RPGRIP1L: variants seen among roughly 807,000 people sequenced by gnomAD.
The protein encoded by RPGRIP1L is protein fantom.
A neutral mutation model predicts 160.4 loss-of-function variants in RPGRIP1L; 131 were observed. The observed-to-expected ratio is 0.82, with a 90% confidence interval of 0.71 to 0.94. RPGRIP1L has a LOEUF of 0.94. Ranked by LOEUF, RPGRIP1L falls within the 40% of genes least tolerant of loss-of-function variation. The pLI, the probability that RPGRIP1L is intolerant of heterozygous loss-of-function variation, is 0.00. For missense variants in RPGRIP1L, 1,522 were observed against 1,535.8 expected (o/e 0.99, Z 0.15); for synonymous variants, 510 against 515.8 (o/e 0.99, Z 0.15).
chr16:53,601,847 T>G lies in RPGRIP1L; in HGVS notation c.*229A>C. On this transcript the variant is annotated 3_prime_UTR_variant, in exon 27 of 27. Coordinates refer to ENST00000647211, the MANE Select transcript of RPGRIP1L (RefSeq NM_015272.5). The stretch of plus-strand genomic sequence containing the variant: ...TAAATTATTGAGAAGGTACTGCCCA[T>G]TATGGAGAACTTAAGTCCTGAGGGG... 1 of 509,932 alleles carries G rather than the reference T, an allele frequency of 2.0e-6. No homozygotes were observed. 31.6% of individuals were successfully genotyped at this position (509,932 alleles called of 1,614,324 possible). A position where few individuals can be genotyped will look rare whatever the true frequency, so the allele number is the denominator to read the frequency against.
At chr16:53,614,937 A>G (rs1167883604) in intron 24 of RPGRIP1L, among the ~76,000 whole-genome samples, 1 of 152,234 alleles carries the variant, frequency 6.6e-6, no homozygotes, top group African/African-American at 2.4e-5. Context: ...CAAGCTGGAT[A>G]AATCCTTATA....
chr16:53,691,942 ATTATT>A, intron 4 of RPGRIP1L, 119 bp downstream of exon 4: 1 of 890,846 alleles, frequency 1.1e-6, no homozygotes, highest in Non-Finnish European at 1.8e-6. Flanking sequence ...AAAGTAAAAA[ATTATT>A]TTTCTCTTCC....
At chr16:53,604,348 G>T (rs1963546088) in intron 26 of RPGRIP1L, among the ~76,000 whole-genome samples, 1 of 152,214 alleles carries the variant, frequency 6.6e-6, no homozygotes, top group South Asian at 2.1e-4. Context: ...CATAAGAGGT[G>T]CTCCCTTCAG....
chr16:53,652,555 A>G lies in RPGRIP1L; in HGVS notation c.2132T>C (p.Phe711Ser). The G allele has an allele frequency of 6.2e-7, 1 of 1,613,978 alleles. No individual in the cohort carries two copies. The highest frequency in any genetic ancestry group is 8.5e-7 in the Non-Finnish European group (1 of 1,179,888). ...HEILEKSGRI[F>S]CTASLIGTKG... ...CTTACCAATCAAACTTGCTGTACAA[A>G]ATATTCGGCCGCTTTTTTCAAGAAT... Residue 711 changes from phenylalanine (F) to serine (S), a missense_variant, in exon 15 of 27, where the codon TTT becomes TCT. Physicochemically the swap from Phe to Ser is radical, Grantham distance 155. Coordinates refer to ENST00000647211, the MANE Select transcript of RPGRIP1L (RefSeq NM_015272.5).
intron 12 of RPGRIP1L, 46 bp downstream of exon 12, chr16:53,658,368 C>T (rs1443263360): frequency 2.2e-6 from 3 of 1,373,724 alleles, no homozygotes; most frequent in Non-Finnish European, 3.1e-6. Flanking sequence ...TATGCTGAAA[C>T]AGTTGTATGC....
intron 22 of RPGRIP1L, among the ~76,000 whole-genome samples, chr16:53,633,264 T>A (rs1261804589): frequency 6.6e-6 from 1 of 152,180 alleles, no homozygotes; most frequent in Non-Finnish European, 1.5e-5. Flanking sequence ...ACACCATCAA[T>A]AATTAGGCAA....
intron 14 of RPGRIP1L, among the ~76,000 whole-genome samples, chr16:53,655,271 T>A (rs1408164782): frequency 6.6e-6 from 1 of 152,176 alleles, no homozygotes; most frequent in Non-Finnish European, 1.5e-5. Context: ...AAATATAACT[T>A]AAAAAAGGTA....
intron 7 of RPGRIP1L, 26 bp from the exon 8 acceptor site, chr16:53,673,042 A>C: frequency 6.2e-7 from 1 of 1,601,460 alleles, no homozygotes; most frequent in South Asian, 1.1e-5. Context: ...AACATCTTTC[A>C]AACATTATTT....
intron 17 of RPGRIP1L, among the ~76,000 whole-genome samples, chr16:53,642,217 A>G (rs1400543962): frequency 6.6e-6 from 1 of 151,896 alleles, no homozygotes; most frequent in African/African-American, 2.4e-5. Flanking sequence ...GGTTCTCACT[A>G]CGTTGCCCAG....
At chr16:53,680,847 A>G (rs960410232) in intron 6 of RPGRIP1L, among the ~76,000 whole-genome samples, 1 of 152,046 alleles carries the variant, frequency 6.6e-6, no homozygotes, top group African/African-American at 2.4e-5. Flanking sequence ...GGGAGGGAGA[A>G]GGAGAAATAG....
In RPGRIP1L at chr16:53,608,062, C is replaced by T. The variant is rs1207813482; in HGVS notation, c.3702-2448G>A. 2.1e-5 allele frequency: 12 copies of T among 582,154 alleles called. No homozygotes were observed. In the East Asian group the frequency reaches 1.7e-3, roughly 84 times the overall value. 36.1% of individuals were successfully genotyped at this position (582,154 alleles called of 1,614,324 possible). On this transcript the variant is annotated intron_variant, in intron 25 of 26. Transcript: ENST00000647211. ...GGAAGAACAGGAAGTGCTACCTGAG[C>T]TACTCCTGCCTCCTCTTCCCACCTC...
chr16:53,603,685 T>C (rs1003641118), intron 26 of RPGRIP1L, among the ~76,000 whole-genome samples: 1 of 129,062 alleles, frequency 7.7e-6, no homozygotes, highest in African/African-American at 3.6e-5. Context: ...TGTGTGTGTG[T>C]GTGTGTGTGT....
At chr16:53,608,107 C>T (rs1963799017) in intron 25 of RPGRIP1L, 1 of 231,980 alleles carries the variant, frequency 4.3e-6, no homozygotes, top group African/African-American at 2.3e-5. Context: ...CCACTCTCTA[C>T]TTCTCAGTGA....
intron 3 of RPGRIP1L, chr16:53,695,100 G>T: frequency 2.1e-6 from 1 of 473,950 alleles, no homozygotes; most frequent in Non-Finnish European, 3.7e-6. Context: ...TTTATTTTCT[G>T]GCTATGACAA....
intron 4 of RPGRIP1L, among the ~76,000 whole-genome samples, chr16:53,689,669 A>C (rs1970256403): frequency 1.3e-5 from 2 of 152,196 alleles, no homozygotes; most frequent in African/African-American, 2.4e-5. Context: ...TTAGCCAGCC[A>C]TCCCAGGCTG....
chr16:53,672,703 A>G (rs972867780), intron 8 of RPGRIP1L, among the ~76,000 whole-genome samples, 167 bp downstream of exon 8: 1 of 152,212 alleles, frequency 6.6e-6, no homozygotes, highest in African/African-American at 2.4e-5. Flanking sequence ...TTAAACACTG[A>G]TTTGCCATTC....
At chr16:53,700,264 G>A (rs772713901) in intron 2 of RPGRIP1L, among the ~76,000 whole-genome samples, 14 of 152,220 alleles carry the variant, frequency 9.2e-5, no homozygotes, top group South Asian at 4.2e-4. Context: ...CTTAAAATAC[G>A]GCCTTTCCTC....
intron 9 of RPGRIP1L, 33 bp downstream of exon 9, chr16:53,671,477 G>A (rs745412492): frequency 7.4e-7 from 1 of 1,356,816 alleles, no homozygotes; most frequent in South Asian, 1.2e-5. Flanking sequence ...GCTCAAACAA[G>A]ACAATGAAAG....
intron 3 of RPGRIP1L, 140 bp downstream of exon 3, chr16:53,696,010 AT>A: frequency 1.2e-6 from 1 of 812,744 alleles, no homozygotes; most frequent in Middle Eastern, 3.7e-4. Context: ...AAGATTTTCC[AT>A]TTTTAAAAAT....
Sources: allele counts gnomAD v4.1 joint callset (sites outside exome capture counted in the v4.1 genomes callset), GRCh38; gene constraint gnomAD v4.1.1; transcripts MANE v1.5; gene names NCBI Gene and HGNC (gene_info 2026-07-23, HGNC 2026-07-21).